The following NALF1 variants were observed in gnomAD, a reference collection of about 807,000 sequenced individuals.
NALF1 encodes family with sequence similarity 155 member A.
A neutral mutation model predicts 48.4 loss-of-function variants in NALF1; 3 were observed. That is an observed-to-expected ratio of 0.06 (90% CI 0.03 to 0.16). The LOEUF (loss-of-function observed/expected upper bound fraction) is 0.16. Ranked by LOEUF, NALF1 falls within the 10% of genes least tolerant of loss-of-function variation. The pLI is 1.00. For missense variants in NALF1, 526 were observed against 571.5 expected, an observed-to-expected ratio of 0.92 and a Z score of 0.81; for synonymous variants, 262 against 245.7, an observed-to-expected ratio of 1.07 and a Z score of -0.62.
At chr13:107,652,286 T>C (rs1274145629) in intron 1 of NALF1, among the ~76,000 whole-genome samples, 1 of 152,214 alleles carries the variant, frequency 6.6e-6, no homozygotes, top group South Asian at 2.1e-4. Context: ...TTTGTCATTC[T>C]GGCCTTTGTT....
At chr13:107,261,651 A>G (rs1186240997) in intron 1 of NALF1, among the ~76,000 whole-genome samples, 1 of 152,070 alleles carries the variant, frequency 6.6e-6, no homozygotes, top group East Asian at 1.9e-4. Context: ...AGAGTGTTTT[A>G]TCATCTGGGG....
At chr13:107,837,599 C>T (rs528231370) in intron 1 of NALF1, among the ~76,000 whole-genome samples, 2 of 152,210 alleles carry the variant, frequency 1.3e-5, no homozygotes, top group South Asian at 4.1e-4. Flanking sequence ...GCTGAGAACA[C>T]AGGGAAATAT....
intron 1 of NALF1, among the ~76,000 whole-genome samples, chr13:107,229,919 A>G (rs972234008): frequency 8.5e-5 from 13 of 152,176 alleles, no homozygotes; most frequent in Admixed American, 3.3e-4. Flanking sequence ...AGGTAAGAAA[A>G]ACAGGGTAAA....
chr13:107,513,843 C>T (rs990126172), intron 1 of NALF1, among the ~76,000 whole-genome samples: 1 of 152,194 alleles, frequency 6.6e-6, no homozygotes, highest in African/African-American at 2.4e-5. Context: ...CAAGAAAGGT[C>T]TCTGCCCGCT....
intron 1 of NALF1, among the ~76,000 whole-genome samples, chr13:107,724,021 G>A (rs532247453): frequency 1.3e-5 from 2 of 151,972 alleles, no homozygotes; most frequent in African/African-American, 4.8e-5. Flanking sequence ...TTAAAATAAG[G>A]GATTCATCTT....
At chr13:107,565,730 C>A (rs1374498543) in intron 1 of NALF1, among the ~76,000 whole-genome samples, 3 of 152,126 alleles carry the variant, frequency 2.0e-5, no homozygotes, top group Non-Finnish European at 4.4e-5. Context: ...GTGTATCAGT[C>A]TCAGGTTATG....
At chr13:107,288,513 C>T (rs1279558233) in intron 1 of NALF1, among the ~76,000 whole-genome samples, 5 of 150,378 alleles carry the variant, frequency 3.3e-5, no homozygotes, top group African/African-American at 9.8e-5. Context: ...AGCCACCGCG[C>T]CCAGCCTGAA....
At chr13:107,257,914 G>A (rs954873096) in intron 1 of NALF1, among the ~76,000 whole-genome samples, 4 of 152,286 alleles carry the variant, frequency 2.6e-5, no homozygotes, top group South Asian at 4.1e-4. Flanking sequence ...CTCATGCTTC[G>A]CTAGAAGTAT....
chr13:107,292,404 C>A (rs951723416), intron 1 of NALF1, among the ~76,000 whole-genome samples: 1 of 152,152 alleles, frequency 6.6e-6, no homozygotes, highest in Non-Finnish European at 1.5e-5. Context: ...TAACACTTGG[C>A]TTAAAACACA....
chr13:107,839,032 T>A (rs955385251), intron 1 of NALF1, among the ~76,000 whole-genome samples: 1 of 152,096 alleles, frequency 6.6e-6, no homozygotes, highest in African/African-American at 2.4e-5. Context: ...AGTCCATATC[T>A]TGCCCTCTCA....
chr13:107,170,672 C>T lies in NALF1; in HGVS notation c.1202G>A (p.Arg401Lys). 1 of 1,614,202 alleles carries T rather than the reference C, an allele frequency of 6.2e-7. No homozygotes were observed. Among genetic ancestry groups the T allele is most frequent in the Non-Finnish European group, 8.5e-7 (1 of 1,180,040 alleles). ...GTVEKSGSCHRTSLTVSSATR... is the reference protein window; with the variant it reads ...GTVEKSGSCHKTSLTVSSATR... ...TGCTGATGACACTGTGAGCGATGTC[C>T]TGTGACAGGAGCCACTTTTCTCTAC... Residue 401 changes from arginine (R) to lysine (K), a missense_variant, in exon 3 of 3, where the codon AGG (arginine) becomes AAG (lysine). By Grantham distance (26) the Arg-to-Lys change is conservative. Around this residue, in one of 2 missense-constraint regions of NALF1, gnomAD observed 153 missense variants for 215.9 expected, o/e 0.71. Transcript: ENST00000375915.
chr13:107,409,334 G>C (rs1255865245), intron 1 of NALF1, among the ~76,000 whole-genome samples: 1 of 152,140 alleles, frequency 6.6e-6, no homozygotes, highest in Non-Finnish European at 1.5e-5. Flanking sequence ...GTCTTGGGAA[G>C]AAATTAATCA....
chr13:107,242,779 T>C (rs560663496), intron 1 of NALF1, among the ~76,000 whole-genome samples: 94 of 152,238 alleles, frequency 6.2e-4, no homozygotes, highest in African/African-American at 2.2e-3. Flanking sequence ...TTGTATAACT[T>C]GTAGGTTATA....
chr13:107,174,917 T>C (rs1014194307), intron 2 of NALF1, among the ~76,000 whole-genome samples: 2 of 151,448 alleles, frequency 1.3e-5, no homozygotes, highest in Non-Finnish European at 2.9e-5. Flanking sequence ...GGAGTCTCGC[T>C]CTGTCGCCCA....
Position 107,550,033 on chromosome 13 carries a change from T to G in NALF1, c.915+315649A>C, listed in dbSNP as rs11842154. Among the ~76,000 whole-genome samples the G allele has an allele frequency of 1.7e-3, 256 of 152,258 alleles. 2 individuals carry two copies. Among genetic ancestry groups the G allele is most frequent in the African/African-American group, 6.0e-3 (251 of 41,564 alleles). On this transcript the variant is annotated intron_variant, in intron 1 of 2. Coordinates refer to ENST00000375915, the MANE Select transcript of NALF1 (RefSeq NM_001080396.3). The stretch of plus-strand genomic sequence containing the variant: ...ATCTTTGCATTTGTCTGATGTTTCT[T>G]CATCAGACAAATGATGACCCATAAT...
At chr13:107,828,652 T>G (rs1443744980) in intron 1 of NALF1, among the ~76,000 whole-genome samples, 1 of 139,746 alleles carries the variant, frequency 7.2e-6, no homozygotes, top group Non-Finnish European at 1.6e-5. Context: ...CACACAAATC[T>G]CCCACAGCAA....
intron 1 of NALF1, among the ~76,000 whole-genome samples, chr13:107,444,365 G>A (rs1361979979): frequency 6.6e-6 from 1 of 152,122 alleles, no homozygotes; most frequent in African/African-American, 2.4e-5. Context: ...ATTTAATGTG[G>A]CAAATTTTTG....
chr13:107,279,595 T>C (rs1776822769), intron 1 of NALF1, among the ~76,000 whole-genome samples: 1 of 152,114 alleles, frequency 6.6e-6, no homozygotes, highest in African/African-American at 2.4e-5. Context: ...TCCAGAGATA[T>C]TCTTGATCCT....
intron 1 of NALF1, among the ~76,000 whole-genome samples, chr13:107,266,364 C>G (rs1280890505): frequency 6.6e-6 from 1 of 152,194 alleles, no homozygotes; most frequent in Non-Finnish European, 1.5e-5. Flanking sequence ...GGTTGTTCAT[C>G]ACAGGTTGAG....
Sources: allele counts gnomAD v4.1 joint callset (sites outside exome capture counted in the v4.1 genomes callset), GRCh38; gene constraint gnomAD v4.1.1; regional missense constraint gnomAD v4.1.1; transcripts MANE v1.5; gene names NCBI Gene and HGNC (gene_info 2026-07-23, HGNC 2026-07-21).